The following HECTD4 variants were observed in gnomAD, a reference collection of about 807,000 sequenced individuals.
HECTD4 encodes probable E3 ubiquitin-protein ligase HECTD4.
HECTD4 carries 114 observed loss-of-function variants against 471.5 expected under a neutral mutation model. That is an observed-to-expected ratio of 0.24 (90% confidence interval 0.21 to 0.28). HECTD4 has a LOEUF of 0.28. Ranked by LOEUF, HECTD4 falls within the 10% of genes least tolerant of loss-of-function variation. The probability of loss-of-function intolerance (pLI) is 1.00; values close to 1 mark genes in which losing one functional copy is unlikely to be tolerated. For missense variants in HECTD4, 3,866 were observed against 5,651.5 expected, an observed-to-expected ratio of 0.68 and a Z score of 10.13; for synonymous variants, 2,012 against 2,256.0, an observed-to-expected ratio of 0.89 and a Z score of 3.07.
chr12:112,221,646 G>A (rs1419242323), intron 44 of HECTD4, among the ~76,000 whole-genome samples: 1 of 152,148 alleles, frequency 6.6e-6, no homozygotes, highest in Non-Finnish European at 1.5e-5. Context: ...AACTAACCTG[G>A]TGCGGTTTCT....
rs367862856 is a variant in HECTD4 at position 112,243,349 on chromosome 12, T to C, written c.4958+4A>G. On this transcript the variant is annotated splice_donor_region_variant and intron_variant, in intron 32 of 75. Transcript: ENST00000682272. This position sits in a 1 kb window ranked among gnomAD's most constrained non-coding sequence, Gnocchi z 6.6. ...GACAGTATAAACTAACAGAAACAAC[T>C]AACCTGGGTCCTCCCTGAAGGACCA... The C allele has an allele frequency of 2.4e-5, 38 of 1,609,802 alleles. No homozygotes were observed. The highest frequency in any genetic ancestry group is 3.1e-5 in the Non-Finnish European group (36 of 1,177,918).
At chr12:112,257,424 A>G (rs1397640324) in intron 20 of HECTD4, among the ~76,000 whole-genome samples, 1 of 152,230 alleles carries the variant, frequency 6.6e-6, no homozygotes, top group Non-Finnish European at 1.5e-5. Context: ...TTAATGCAAC[A>G]TAACTGACAT....
rs79508469 is a variant in HECTD4 at position 112,219,585 on chromosome 12, C to T, written c.6971-96G>A. ...AGCAGCATCAAAACAATAAAATGCA[C>T]TTATAGAGCTCATTGAATTTTTTTT... On this transcript the variant is annotated intron_variant, in intron 44 of 75. Coordinates refer to ENST00000682272, the MANE Select transcript of HECTD4 (RefSeq NM_001388303.1). 3.0e-4 allele frequency: 226 copies of T among 763,090 alleles called. 1 individual carries two copies. The African/African-American group carries it at 3.6e-3, about 12-fold the overall frequency. 47.3% of individuals were successfully genotyped at this position (763,090 alleles called of 1,614,324 possible). A position where few individuals can be genotyped will look rare whatever the true frequency, so the allele number is the denominator to read the frequency against.
At chr12:112,338,132 G>A (rs575513713) in intron 1 of HECTD4, among the ~76,000 whole-genome samples, 1 of 152,088 alleles carries the variant, frequency 6.6e-6, no homozygotes, top group East Asian at 1.9e-4. Context: ...GTAAAGAATC[G>A]GTTTCTTGCT....
chr12:112,333,507 GA>G (rs1292791665), intron 1 of HECTD4, among the ~76,000 whole-genome samples: 1 of 151,826 alleles, frequency 6.6e-6, no homozygotes, highest in African/African-American at 2.4e-5. Flanking sequence ...ATCTTCTTTA[GA>G]AAAAAAATTA....
chr12:112,329,192 T>C (rs1339314555), intron 1 of HECTD4, among the ~76,000 whole-genome samples: 1 of 152,146 alleles, frequency 6.6e-6, no homozygotes, highest in Non-Finnish European at 1.5e-5. Flanking sequence ...CCCTGCTCCA[T>C]CAAGACCTAC....
At chr12:112,207,760 G>C in intron 52 of HECTD4, 114 bp downstream of exon 52, 1 of 1,210,560 alleles carries the variant, frequency 8.3e-7, no homozygotes, top group Non-Finnish European at 1.2e-6. Flanking sequence ...CAAAGACACT[G>C]TTAAGTATGG....
chr12:112,284,005 A>C (rs1474491769), intron 7 of HECTD4, among the ~76,000 whole-genome samples: 2 of 151,342 alleles, frequency 1.3e-5, no homozygotes, highest in African/African-American at 4.9e-5. Context: ...ATTGCTAAAA[A>C]GATCCAGACC....
At chr12:112,309,319 G>A (rs2035329371) in intron 5 of HECTD4, among the ~76,000 whole-genome samples, 1 of 152,186 alleles carries the variant, frequency 6.6e-6, no homozygotes, top group African/African-American at 2.4e-5. Flanking sequence ...TTTCTGGCTG[G>A]AAACAATGAT....
Position 112,231,559 on chromosome 12 carries a change from T to C in HECTD4, c.6154A>G (p.Thr2052Ala). ...TCTCGGCAAATGGAAGTTTGGGCAG[T>C]TTTCTTTTTGTCGCCTGTGGATAGT... is the stretch of plus-strand genomic sequence containing the variant. ...SGLSTGDKKK[T>A]AQTSICRERN... Residue 2052 changes from threonine (T) to alanine (A), a missense_variant, in exon 39 of 76, where the codon ACT becomes GCT. Thr to Ala is a moderately conservative substitution (Grantham distance 58, BLOSUM62 0). Coordinates refer to ENST00000682272, the MANE Select transcript of HECTD4 (RefSeq NM_001388303.1). The C allele has an allele frequency of 1.9e-6, 3 of 1,613,976 alleles. No homozygotes were observed. Among genetic ancestry groups the C allele is most frequent in the Non-Finnish European group, 2.5e-6 (3 of 1,179,898 alleles).
At position 112,302,281 on chromosome 12, in the gene HECTD4, AG is replaced by A. The variant is rs2035181107; in HGVS notation, c.1335+3782del. 51 of 848,120 alleles carry A rather than the reference AG, an allele frequency of 6.0e-5. 1 individual carries two copies. In the South Asian group the frequency reaches 6.5e-4, roughly 11 times the overall value. 52.5% of individuals were successfully genotyped at this position (848,120 alleles called of 1,614,324 possible). A position where few individuals can be genotyped will look rare whatever the true frequency, so the allele number is the denominator to read the frequency against. On this transcript the variant is annotated intron_variant, in intron 7 of 75. Coordinates refer to ENST00000682272, the MANE Select transcript of HECTD4 (RefSeq NM_001388303.1). The stretch of plus-strand genomic sequence containing the variant: ...CTGCTCGAAGGGCAGGTGGTCTCTT[AG>A]TGGGGACGCCCCCTTTGCCAGCAGC...
chr12:112,211,983 C>T (rs367987802), intron 49 of HECTD4, among the ~76,000 whole-genome samples: 14 of 152,098 alleles, frequency 9.2e-5, no homozygotes, highest in East Asian at 5.8e-4. Flanking sequence ...GTGGGAGCTA[C>T]CAGCATGTAG....
intron 53 of HECTD4, 80 bp downstream of exon 53, chr12:112,204,406 G>T: frequency 7.5e-7 from 1 of 1,333,492 alleles, no homozygotes; most frequent in Non-Finnish European, 1.1e-6. Context: ...AGAACCACCA[G>T]CTGCTTGTGC....
chr12:112,245,352 T>C, intron 29 of HECTD4, among the ~76,000 whole-genome samples: 1 of 152,298 alleles, frequency 6.6e-6, no homozygotes, highest in South Asian at 2.1e-4. Context: ...AGCTTAAATA[T>C]AAAAAAATTA....
chr12:112,208,093 AC>A, intron 51 of HECTD4, 93 bp from the exon 52 acceptor site: 2 of 1,397,532 alleles, frequency 1.4e-6, no homozygotes, highest in African/African-American at 2.9e-5. Flanking sequence ...TGAGGTCTTC[AC>A]CCCACTTAAA....
At chr12:112,326,477 A>G (rs2035748138) in intron 1 of HECTD4, among the ~76,000 whole-genome samples, 1 of 152,194 alleles carries the variant, frequency 6.6e-6, no homozygotes, top group African/African-American at 2.4e-5. Flanking sequence ...TGAGTGACAG[A>G]GTGAGACCCT....
At chr12:112,195,393 T>C (rs570832173) in intron 55 of HECTD4, among the ~76,000 whole-genome samples, 140 of 152,200 alleles carry the variant, frequency 9.2e-4, no homozygotes, top group Non-Finnish European at 1.8e-3. Flanking sequence ...ATTAACTCAA[T>C]GGTAAGTCTA....
intron 22 of HECTD4, 49 bp from the exon 23 acceptor site, chr12:112,252,577 C>G (rs775411660): frequency 6.3e-7 from 1 of 1,578,910 alleles, no homozygotes; most frequent in Non-Finnish European, 8.6e-7. Context: ...ACAAGATACA[C>G]AATTTCAAAA....
At chr12:112,357,872 T>C (rs2036372700) in intron 1 of HECTD4, among the ~76,000 whole-genome samples, 1 of 152,240 alleles carries the variant, frequency 6.6e-6, no homozygotes, top group South Asian at 2.1e-4. Flanking sequence ...ATGTATTTTA[T>C]TCTTTAACTG....
Sources: gnomAD v4.1 joint callset for allele counts (sites outside exome capture counted in the v4.1 genomes callset) on GRCh38, gnomAD v4.1.1 for gene constraint, Gnocchi (gnomAD v3.1) non-coding constraint, MANE v1.5 for transcripts, NCBI Gene and HGNC (gene_info 2026-07-23, HGNC 2026-07-21) for gene names.